TNR: variants seen among roughly 807,000 people sequenced by gnomAD.
TNR encodes the protein tenascin-R.
A neutral mutation model predicts 150.4 loss-of-function variants in TNR; 45 were observed. The ratio of observed to expected loss-of-function variants is 0.30; its 90% CI spans 0.24 to 0.38. The LOEUF (loss-of-function observed/expected upper bound fraction) is 0.38, where lower values mean the gene tolerates loss of function less well. Ranked by LOEUF, TNR falls within the 10% of genes least tolerant of loss-of-function variation. The probability of loss-of-function intolerance (pLI) is 1.00; values close to 1 mark genes in which losing one functional copy is unlikely to be tolerated. For missense variants in TNR, 1,544 were observed against 1,759.1 expected, an observed-to-expected ratio of 0.88 and a Z score of 2.19; for synonymous variants, 687 against 678.4, an observed-to-expected ratio of 1.01 and a Z score of -0.20.
chr1:175,724,857 A>G (rs1406599887), intron 1 of TNR, among the ~76,000 whole-genome samples: 1 of 152,062 alleles, frequency 6.6e-6, no homozygotes, highest in Non-Finnish European at 1.5e-5. Context: ...AGGGAGGAAG[A>G]TGTGGCGAAA....
At chr1:175,577,352 C>T (rs1423053741) in intron 1 of TNR, among the ~76,000 whole-genome samples, 1 of 152,166 alleles carries the variant, frequency 6.6e-6, no homozygotes, top group Non-Finnish European at 1.5e-5. Flanking sequence ...GGAGTGAAGA[C>T]ATTTCTTTTA....
At chr1:175,337,000 C>A (rs1210738795) in intron 19 of TNR, among the ~76,000 whole-genome samples, 2 of 152,338 alleles carry the variant, frequency 1.3e-5, no homozygotes, top group Non-Finnish European at 2.9e-5. Context: ...TCAAGTGATT[C>A]CCCTGCCTCA....
At chr1:175,463,828 T>C (rs1293990580) in intron 2 of TNR, among the ~76,000 whole-genome samples, 1 of 152,202 alleles carries the variant, frequency 6.6e-6, no homozygotes, top group East Asian at 1.9e-4. Context: ...ACTGGGATTC[T>C]GCTGCAAGGC....
At chr1:175,474,482 G>A (rs1657457077) in intron 2 of TNR, among the ~76,000 whole-genome samples, 1 of 152,204 alleles carries the variant, frequency 6.6e-6, no homozygotes, top group African/African-American at 2.4e-5. Context: ...TCCAGAACAG[G>A]GAGAAAAGAC....
At chr1:175,702,910 A>C (rs529151408) in intron 1 of TNR, among the ~76,000 whole-genome samples, 105 of 152,350 alleles carry the variant, frequency 6.9e-4, no homozygotes, top group Admixed American at 1.8e-3. Context: ...TTATTCCTAA[A>C]GTTTTCAGTT....
intron 2 of TNR, among the ~76,000 whole-genome samples, chr1:175,446,844 G>C (rs1571452073): frequency 1.3e-5 from 2 of 152,060 alleles, no homozygotes; most frequent in Admixed American, 1.3e-4. Flanking sequence ...TTGGACTTTT[G>C]TTGTGTGTAT....
At chr1:175,706,460 G>T (rs10913063) in intron 1 of TNR, among the ~76,000 whole-genome samples, 5 of 151,910 alleles carry the variant, frequency 3.3e-5, no homozygotes, top group African/African-American at 7.3e-5. Context: ...TGACAGGAAG[G>T]CATCTTAAAG....
At chr1:175,670,194 C>T (rs1485761025) in intron 1 of TNR, among the ~76,000 whole-genome samples, 1 of 152,196 alleles carries the variant, frequency 6.6e-6, no homozygotes, top group African/African-American at 2.4e-5. Context: ...TCAGCCACAG[C>T]AATATTTCCT....
At chr1:175,656,102 A>C (rs897992135) in intron 1 of TNR, among the ~76,000 whole-genome samples, 15 of 151,904 alleles carry the variant, frequency 9.9e-5, no homozygotes, top group African/African-American at 2.9e-4. Context: ...ACCTTTAAAA[A>C]AATCTATCCT....
At chr1:175,585,853 A>G (rs948750477) in intron 1 of TNR, among the ~76,000 whole-genome samples, 6 of 152,094 alleles carry the variant, frequency 3.9e-5, no homozygotes, top group African/African-American at 1.2e-4. Flanking sequence ...TGAAGGGCCT[A>G]GAAAAGTTTC....
At chr1:175,330,870 C>G (rs1649714082) in intron 20 of TNR, among the ~76,000 whole-genome samples, 1 of 152,214 alleles carries the variant, frequency 6.6e-6, no homozygotes, top group Non-Finnish European at 1.5e-5. Flanking sequence ...GCCTTTTCAG[C>G]CAGTTACCCT....
rs757680017 is a variant in TNR at position 175,359,659 on chromosome 1, G to T, written c.2927C>A (p.Pro976Gln). 2 of 1,613,880 alleles carry T rather than the reference G, an allele frequency of 1.2e-6. No homozygotes were observed. Among genetic ancestry groups the T allele is most frequent in the South Asian group, 2.2e-5 (2 of 91,066 alleles). ...GACGTAGTTCTCCACCTCACCCACT[G>T]GTGCCTTCCACTGCAGCAGGGCTTC... is the stretch of plus-strand genomic sequence containing the variant. ...PTEALLQWKA[P>Q]VGEVENYVIV... Residue 976 changes from proline to glutamine, a missense_variant, in exon 15 of 23, where the codon CCA becomes CAA. Physicochemically the swap from Pro to Gln is moderately conservative, Grantham distance 76. This residue lies in a region of TNR where 1,254 missense variants were observed against 1,329.4 expected (regional missense o/e 0.94). Coordinates refer to ENST00000367674, the MANE Select transcript of TNR (RefSeq NM_003285.3).
At chr1:175,440,728 ATAGAT>A (rs1655745455) in intron 2 of TNR, among the ~76,000 whole-genome samples, 1 of 152,236 alleles carries the variant, frequency 6.6e-6, no homozygotes, top group East Asian at 1.9e-4. Flanking sequence ...AGAGTTGAGA[ATAGAT>A]TCAGTAAGAT....
chr1:175,439,117 T>C (rs1320988008), intron 2 of TNR, among the ~76,000 whole-genome samples: 2 of 152,184 alleles, frequency 1.3e-5, no homozygotes, highest in African/African-American at 2.4e-5. Context: ...CTATCTGACG[T>C]CAAACTATAC....
At position 175,379,745 on chromosome 1, in the gene TNR, T is replaced by G; in HGVS notation, c.1778-8A>C. On this transcript the variant is annotated splice_region_variant and splice_polypyrimidine_tract_variant and intron_variant, in intron 8 of 22. Transcript: ENST00000367674. Reference sequence around the variant, plus strand: ...TCTTGGGGGCATCGATCTCTAAAAATAGACAGACATCACCAACATCGCACA... The same window carrying G: ...TCTTGGGGGCATCGATCTCTAAAAAGAGACAGACATCACCAACATCGCACA... 6.2e-7 allele frequency: 1 copy of G among 1,613,822 alleles called. No individual in the cohort carries two copies. Among genetic ancestry groups the G allele is most frequent in the South Asian group, 1.1e-5 (1 of 90,998 alleles).
At chr1:175,355,393 G>A (rs1450225885) in intron 17 of TNR, 110 bp downstream of exon 17, 19 of 1,442,714 alleles carry the variant, frequency 1.3e-5, no homozygotes, top group Non-Finnish European at 1.7e-5. Context: ...CAATCCTTGT[G>A]GATTGCTTCC....
chr1:175,668,803 G>A (rs911703790), intron 1 of TNR, among the ~76,000 whole-genome samples: 4 of 152,138 alleles, frequency 2.6e-5, no homozygotes, highest in Non-Finnish European at 2.9e-5. Flanking sequence ...AAGAAGCCAG[G>A]GACTTACATG....
Position 175,331,156 on chromosome 1 carries a change from T to TC in TNR, c.3632-922_3632-921insG, listed in dbSNP as rs1649878140. Reference sequence around the variant, plus strand: ...TTTTCTTTCTTTCTTCCTTTCTTTCTTTTTCTTTCCTTCCTTCCTTCCTTC... The same window carrying TC: ...TTTTCTTTCTTTCTTCCTTTCTTTCTCTTTTCTTTCCTTCCTTCCTTCCTTC... On this transcript the variant is annotated intron_variant, in intron 20 of 22. Coordinates refer to ENST00000367674, the MANE Select transcript of TNR (RefSeq NM_003285.3). 6.7e-4 allele frequency among the ~76,000 whole-genome samples: 70 copies of TC among 104,736 alleles called. 3 individuals carry two copies. Among genetic ancestry groups the TC allele is most frequent in the African/African-American group, 1.8e-3 (57 of 31,360 alleles). 68.7% of individuals were successfully genotyped at this position (104,736 alleles called of 152,430 possible).
chr1:175,500,730 A>G (rs1658701344), intron 2 of TNR, among the ~76,000 whole-genome samples: 1 of 152,230 alleles, frequency 6.6e-6, no homozygotes, highest in South Asian at 2.1e-4. Context: ...TAAAAAAGCC[A>G]TTAAGACCAT....
Sources: gnomAD v4.1 joint callset for allele counts (sites outside exome capture counted in the v4.1 genomes callset) on GRCh38, gnomAD v4.1.1 for gene constraint, gnomAD v4.1.1 regional missense constraint, MANE v1.5 for transcripts, NCBI Gene and HGNC (gene_info 2026-07-23, HGNC 2026-07-21) for gene names.